The following STK17A variants were observed in gnomAD, a reference collection of about 807,000 sequenced individuals.
The protein encoded by STK17A is serine/threonine kinase 17a.
Under a neutral mutation model 43.7 loss-of-function variants are expected in STK17A, and 26 were observed. That is an observed-to-expected ratio of 0.60 (90% CI 0.44 to 0.83). STK17A has a LOEUF of 0.83. STK17A is among the 40% of genes least tolerant of loss of function. The pLI is 0.00. For missense variants in STK17A, 476 were observed against 511.6 expected (o/e 0.93, Z 0.67); for synonymous variants, 191 against 182.5 (o/e 1.05, Z -0.38).
intron 1 of STK17A, among the ~76,000 whole-genome samples, chr7:43,586,318 T>A (rs2152970230): frequency 6.6e-6 from 1 of 151,762 alleles, no homozygotes; most frequent in East Asian, 1.9e-4. Flanking sequence ...GAGATGACTG[T>A]TCAAAGAGAA....
chr7:43,583,577 G>T (rs1310084515), intron 1 of STK17A, 128 bp downstream of exon 1: 4 of 870,648 alleles, frequency 4.6e-6, no homozygotes, highest in Non-Finnish European at 4.6e-6. Flanking sequence ...CGCGCGTTGT[G>T]ACTTGGCACA....
chr7:43,606,235 T>G (rs1290662003), intron 2 of STK17A, among the ~76,000 whole-genome samples: 1 of 152,146 alleles, frequency 6.6e-6, no homozygotes, highest in African/African-American at 2.4e-5. Flanking sequence ...ATTTGATGGT[T>G]TGTTGAATTT....
At chr7:43,620,986 G>GC in intron 4 of STK17A, among the ~76,000 whole-genome samples, 1 of 152,298 alleles carries the variant, frequency 6.6e-6, no homozygotes, top group South Asian at 2.1e-4. Flanking sequence ...AATGAAGAGA[G>GC]CAGGGTCTCC....
chr7:43,610,346 C>CAAA lies in STK17A; in HGVS notation c.564+1969_564+1971dup, dbSNP rs138859141. Among the ~76,000 whole-genome samples the CAAA allele has an allele frequency of 2.6e-3, 108 of 41,244 alleles. 1 individual carries two copies. Among genetic ancestry groups the CAAA allele is most frequent in the East Asian group, 5.1e-3 (4 of 780 alleles). The allele number at this position is 41,244 out of a possible 152,430, so 27.1% of individuals were successfully genotyped here. A position where few individuals can be genotyped will look rare whatever the true frequency, so the allele number is the denominator to read the frequency against. On this transcript the variant is annotated intron_variant, in intron 3 of 6. Transcript: ENST00000319357. ...TGGGCAACAGAGCGAGACTCCGTCT[C>CAAA]AAAAAAAAAAAAAAAAAAAAAAAAA...
chr7:43,612,205 A>G (rs1027017582), intron 3 of STK17A, among the ~76,000 whole-genome samples: 1 of 152,226 alleles, frequency 6.6e-6, no homozygotes, highest in Non-Finnish European at 1.5e-5. Context: ...AGGAACTAGA[A>G]GACAAAGTGG....
chr7:43,614,474 G>A (rs148237140), intron 3 of STK17A, among the ~76,000 whole-genome samples: 572 of 152,260 alleles, frequency 3.8e-3, no homozygotes, highest in Non-Finnish European at 6.1e-3. Context: ...TTGTTTTCAG[G>A]ACATGTATTT....
At position 43,626,844 on chromosome 7, in the gene STK17A, G is replaced by T. The variant is rs192754509; in HGVS notation, c.*2002G>T. 6.6e-6 allele frequency: 1 copy of T among 152,110 alleles called. No individual in the cohort carries two copies. Among genetic ancestry groups the T allele is most frequent in the Non-Finnish European group, 1.5e-5 (1 of 68,010 alleles). 9.4% of individuals were successfully genotyped at this position (152,110 alleles called of 1,614,324 possible). On this transcript the variant is annotated 3_prime_UTR_variant, in exon 7 of 7. Transcript: ENST00000319357. ...TTAGCTGGCCACTTCAGTTTGCTGC[G>T]TATCTTTAGCTGCTGTTGTGCTTAA...
At chr7:43,602,804 A>G (rs1343790474) in intron 2 of STK17A, among the ~76,000 whole-genome samples, 1 of 152,160 alleles carries the variant, frequency 6.6e-6, no homozygotes, top group Non-Finnish European at 1.5e-5. Flanking sequence ...TTTTGTTTCC[A>G]ACCTCTGCCC....
intron 4 of STK17A, chr7:43,622,602 C>T (rs182192083): frequency 6.6e-6 from 1 of 151,664 alleles, no homozygotes. Context: ...TTTTAAGGAG[C>T]ATTTTTATAA....
At chr7:43,608,530 CTT>C (rs1240638290) in intron 3 of STK17A, 130 bp downstream of exon 3, 2 of 1,072,418 alleles carry the variant, frequency 1.9e-6, no homozygotes, top group African/African-American at 3.2e-5. Flanking sequence ...AGAATTGAGT[CTT>C]TACTCCTATC....
At chr7:43,619,971 A>T (rs915726649) in intron 4 of STK17A, among the ~76,000 whole-genome samples, 3 of 152,190 alleles carry the variant, frequency 2.0e-5, no homozygotes, top group African/African-American at 7.2e-5. Context: ...TTCTAAAAGG[A>T]ATAGGAGAGG....
intron 2 of STK17A, among the ~76,000 whole-genome samples, chr7:43,597,983 A>G (rs11765555): frequency 0.094 from 14,242 of 152,156 alleles, 738 homozygotes; most frequent in Admixed American, 0.17. Context: ...AAACATAAAA[A>G]TAACTATATA....
At position 43,588,528 on chromosome 7, in the gene STK17A, A is replaced by G. The variant is rs115540789; in HGVS notation, c.206+5079A>G. On this transcript the variant is annotated intron_variant, in intron 1 of 6. Transcript: ENST00000319357. ...TTCAGCGATAAGGAAGACAAAATCC[A>G]TTCTAGGTTTTTCCTGAATGGAACT... Among the ~76,000 whole-genome samples the G allele has an allele frequency of 9.3e-3, 1,409 of 151,638 alleles. 34 individuals carry two copies. Among genetic ancestry groups the G allele is most frequent in the African/African-American group, 0.032 (1,321 of 41,478 alleles).
At chr7:43,597,723 A>G (rs977385679) in intron 2 of STK17A, among the ~76,000 whole-genome samples, 3 of 152,142 alleles carry the variant, frequency 2.0e-5, no homozygotes, top group Non-Finnish European at 2.9e-5. Flanking sequence ...TCTTGAGCCC[A>G]GGAGTTGGAG....
At chr7:43,601,924 A>C (rs946602739) in intron 2 of STK17A, among the ~76,000 whole-genome samples, 1 of 151,896 alleles carries the variant, frequency 6.6e-6, no homozygotes, top group Non-Finnish European at 1.5e-5. Flanking sequence ...CCCTGAGCTA[A>C]TCAATATCTT....
At chr7:43,609,542 A>G (rs10252175) in intron 3 of STK17A, 22,155 of 152,260 alleles carry the variant, frequency 0.15, 2,179 homozygotes, top group Non-Finnish European at 0.21. Context: ...AAGGTCCACT[A>G]TGATGATTCT....
intron 1 of STK17A, among the ~76,000 whole-genome samples, chr7:43,587,144 A>ATT (rs1418254954): frequency 3.4e-5 from 4 of 116,758 alleles, no homozygotes; most frequent in African/African-American, 8.8e-5. Flanking sequence ...ATATGTTTTT[A>ATT]TTGTTTTTTG....
At chr7:43,607,832 C>T (rs766536318) in intron 2 of STK17A, among the ~76,000 whole-genome samples, 4 of 152,094 alleles carry the variant, frequency 2.6e-5, no homozygotes, top group Non-Finnish European at 4.4e-5. Context: ...TTCTTTATTT[C>T]AATTGAGGAA....
intron 2 of STK17A, among the ~76,000 whole-genome samples, chr7:43,605,753 T>C (rs534409448): frequency 6.6e-6 from 1 of 152,148 alleles, no homozygotes; most frequent in South Asian, 2.1e-4. Context: ...TCACAGCTCA[T>C]GGTCCTATAC....
Sources: gnomAD v4.1 joint callset for allele counts (sites outside exome capture counted in the v4.1 genomes callset) on GRCh38, gnomAD v4.1.1 for gene constraint, MANE v1.5 for transcripts, NCBI Gene and HGNC (gene_info 2026-07-23, HGNC 2026-07-21) for gene names.